Variants in ZIM2 observed in about 807,000 individuals in gnomAD.
ZIM2 encodes zinc finger imprinted 2, also known as zinc finger protein 656.
In ZIM2, 14 loss-of-function variants were observed where a neutral mutation model predicts 38.6. The ratio of observed to expected loss-of-function variants is 0.36; its 90% CI spans 0.24 to 0.57. The LOEUF (loss-of-function observed/expected upper bound fraction) is 0.57. ZIM2 is among the 20% of genes least tolerant of loss of function. ZIM2 has a pLI of 0.81. For synonymous variants in ZIM2, 247 were observed against 245.8 expected (o/e 1.00, Z -0.04); for missense variants, 680 against 695.1 (o/e 0.98, Z 0.24).
intron 9 of ZIM2, among the ~76,000 whole-genome samples, chr19:56,808,728 A>G (rs569521356): frequency 1.4e-5 from 2 of 145,002 alleles, no homozygotes; most frequent in East Asian, 4.0e-4. Context: ...AATCCTTGAG[A>G]GGTTTGTCAA....
intron 9 of ZIM2, among the ~76,000 whole-genome samples, chr19:56,791,841 A>C (rs1467121095): frequency 2.6e-5 from 4 of 152,168 alleles, no homozygotes; most frequent in Admixed American, 2.6e-4. Flanking sequence ...TTGAGTTTCT[A>C]AGATACCAGT....
At chr19:56,805,249 C>A (rs1054995656) in intron 9 of ZIM2, among the ~76,000 whole-genome samples, 4 of 152,144 alleles carry the variant, frequency 2.6e-5, no homozygotes, top group African/African-American at 7.2e-5. Flanking sequence ...TGCCACATGT[C>A]CCCTGGAGGG....
At position 56,814,082 on chromosome 19, in the gene ZIM2, C is replaced by T. The variant is rs1293681257; in HGVS notation, c.490+3664G>A. On this transcript the variant is annotated intron_variant, in intron 9 of 12. Coordinates refer to ENST00000629319, the MANE Select transcript of ZIM2 (RefSeq NM_001387356.1). The surrounding 1 kb of genome is among the most constrained non-coding windows in gnomAD (Gnocchi z 5.8). ...TCTGGGTCTTCAATACCTGCACCAT[C>T]TGGCTCATCAGCATCCCCATTTGGC... The T allele has an allele frequency of 6.2e-7, 1 of 1,614,176 alleles. No individual in the cohort carries two copies. Among genetic ancestry groups the T allele is most frequent in the Admixed American group, 1.7e-5 (1 of 60,024 alleles).
chr19:56,812,436 C>T, intron 9 of ZIM2: 1 of 981,078 alleles, frequency 1.0e-6, no homozygotes, highest in Non-Finnish European at 1.2e-6. Context: ...TTTTTTAATG[C>T]AAGTTAGACA....
At chr19:56,812,830 A>AC (rs1015676237) in intron 9 of ZIM2, 115 of 985,168 alleles carry the variant, frequency 1.2e-4, no homozygotes, top group East Asian at 8.0e-4. Context: ...AAAAAAAAAA[A>AC]AACCCAGAAC....
At chr19:56,818,511 T>C in intron 8 of ZIM2, 89 bp downstream of exon 8, 1 of 1,344,132 alleles carries the variant, frequency 7.4e-7, no homozygotes, top group Non-Finnish European at 1.1e-6. Flanking sequence ...TATATTAATG[T>C]GGACTCTAAC....
intron 3 of ZIM2, among the ~76,000 whole-genome samples, chr19:56,825,890 A>G (rs2060977540): frequency 6.6e-6 from 1 of 152,210 alleles, no homozygotes; most frequent in African/African-American, 2.4e-5. Context: ...ATCACTTGCA[A>G]ATCAATGTGG....
rs2045925877 is a variant in ZIM2 at position 56,774,950 on chromosome 19, G to A, written c.1415C>T (p.Pro472Leu). The A allele has an allele frequency of 6.2e-7, 1 of 1,614,234 alleles. No individual in the cohort carries two copies. Among genetic ancestry groups the A allele is most frequent in the Non-Finnish European group, 8.5e-7 (1 of 1,180,034 alleles). ...LKAHEAARVL[P>L]PGLSHSKTYL... ...TGTCTTGCTGTGGGACAACCCAGGAGGAAGGACTCTTGCTGCCTCATGGGC... is the reference window on the plus strand; with the variant it reads ...TGTCTTGCTGTGGGACAACCCAGGAAGAAGGACTCTTGCTGCCTCATGGGC... Residue 472 changes from proline to leucine, a missense_variant, in exon 13 of 13, where the codon CCT (proline) becomes CTT (leucine). Transcript: ENST00000629319.
chr19:56,777,223 A>C (rs1193615991), intron 12 of ZIM2, among the ~76,000 whole-genome samples: 1 of 152,200 alleles, frequency 6.6e-6, no homozygotes, highest in Non-Finnish European at 1.5e-5. Flanking sequence ...TCATCAGGAA[A>C]AGAGGGATAG....
In ZIM2 at chr19:56,782,075, A is replaced by G; in HGVS notation, c.617T>C (p.Leu206Ser). Residue 206 changes from leucine (L) to serine (S), a missense_variant, in exon 11 of 13, where the codon TTG becomes TCG. Transcript: ENST00000629319. Reference sequence around the variant, plus strand: ...CACAAGCACATCCTCGAAGGTCACCAACTCCTCAAACACCAGAAATGTTCC... The same window carrying G: ...CACAAGCACATCCTCGAAGGTCACCGACTCCTCAAACACCAGAAATGTTCC... The part of the protein sequence containing the change: ...HLGTFLVFEE[L>S]VTFEDVLVDF... 1 of 1,614,030 alleles carries G rather than the reference A, an allele frequency of 6.2e-7. No individual in the cohort carries two copies.
At chr19:56,789,999 A>G (rs2046843161) in intron 9 of ZIM2, 48 bp from the exon 10 acceptor site, 1 of 1,424,206 alleles carries the variant, frequency 7.0e-7, no homozygotes, top group Admixed American at 2.1e-5. Context: ...GTCTGGTAGC[A>G]CTGACAGACA....
At chr19:56,810,081 ATTTATT>A (rs1241192014) in intron 9 of ZIM2, 1 of 794,054 alleles carries the variant, frequency 1.3e-6, no homozygotes, top group Non-Finnish European at 1.5e-6. Flanking sequence ...ACTGAGAAAT[ATTTATT>A]TTTAACTTTA....
intron 10 of ZIM2, among the ~76,000 whole-genome samples, chr19:56,788,102 T>G (rs549781842): frequency 6.6e-6 from 1 of 151,918 alleles, no homozygotes; most frequent in African/African-American, 2.4e-5. Flanking sequence ...TGTCTGTATC[T>G]CCTTCAGTTC....
intron 9 of ZIM2, chr19:56,798,618 T>G (rs1033606910): frequency 6.6e-5 from 10 of 152,256 alleles, no homozygotes; most frequent in African/African-American, 2.4e-4. Flanking sequence ...AAATGGAATC[T>G]AATTAAACTA....
At chr19:56,815,337 G>C (rs1014411709) in intron 9 of ZIM2, 1 of 1,614,080 alleles carries the variant, frequency 6.2e-7, no homozygotes, top group African/African-American at 1.3e-5. Context: ...ATTGTCTGAA[G>C]TCCTTACATT....
At position 56,812,887 on chromosome 19, in the gene ZIM2, CAT is replaced by C. The variant is rs371983685; in HGVS notation, c.490+4857_490+4858del. On this transcript the variant is annotated intron_variant, in intron 9 of 12. Coordinates refer to ENST00000629319, the MANE Select transcript of ZIM2 (RefSeq NM_001387356.1). ...ATGAGAACCACTTCAACAAACATAA[CAT>C]GTGGCAACCAATCAATCTGGGTCAC... is the stretch of plus-strand genomic sequence containing the variant. The C allele has an allele frequency of 1.6e-4, 158 of 983,600 alleles. 1 individual carries two copies. In the East Asian group the frequency reaches 0.016, roughly 97 times the overall value. The allele number at this position is 983,600 out of a possible 1,614,324, so 60.9% of individuals were successfully genotyped here. A position where few individuals can be genotyped will look rare whatever the true frequency, so the allele number is the denominator to read the frequency against.
chr19:56,801,065 G>T (rs1412582842), intron 9 of ZIM2, among the ~76,000 whole-genome samples: 1 of 151,458 alleles, frequency 6.6e-6, no homozygotes. Flanking sequence ...CTCCCGAGTA[G>T]CTGGGATTAC....
At chr19:56,835,383 G>A (rs1386107118) in intron 2 of ZIM2, among the ~76,000 whole-genome samples, 3 of 152,082 alleles carry the variant, frequency 2.0e-5, no homozygotes, top group African/African-American at 7.2e-5. Context: ...CCTTGCTCTA[G>A]GAATCCTGGA....
At chr19:56,815,317 G>T (rs777800919) in intron 9 of ZIM2, 1 of 1,614,210 alleles carries the variant, frequency 6.2e-7, no homozygotes. Context: ...GTCTTCGCTG[G>T]TAGCAAAAAA....
Sources: allele counts gnomAD v4.1 joint callset (sites outside exome capture counted in the v4.1 genomes callset), GRCh38; gene constraint gnomAD v4.1.1; non-coding constraint Gnocchi (gnomAD v3.1); transcripts MANE v1.5; gene names NCBI Gene and HGNC (gene_info 2026-07-23, HGNC 2026-07-21).